The following MTAP variants were observed in gnomAD, a reference collection of about 807,000 sequenced individuals.
MTAP encodes S-methyl-5'-thioadenosine phosphorylase.
In MTAP, 33 loss-of-function variants were observed where a neutral mutation model predicts 33.6. The ratio of observed to expected loss-of-function variants is 0.98; its 90% confidence interval spans 0.74 to 1.31. MTAP has a LOEUF of 1.31. Among genes scored for constraint, MTAP ranks in the 40% most tolerant of loss-of-function variants. The probability of loss-of-function intolerance (pLI) is 0.00; values close to 1 mark genes in which losing one functional copy is unlikely to be tolerated. For synonymous variants in MTAP, 148 were observed against 125.7 expected, an observed-to-expected ratio of 1.18 and a Z score of -1.19; for missense variants, 367 against 360.0, an observed-to-expected ratio of 1.02 and a Z score of -0.16.
intron 1 of MTAP, among the ~76,000 whole-genome samples, chr9:21,918,510 C>T (rs1395053571): frequency 6.6e-6 from 1 of 151,730 alleles, no homozygotes; most frequent in Non-Finnish European, 1.5e-5. Context: ...AAGAACTTAC[C>T]CATTTAACCA....
chr9:21,926,770 C>T (rs1357451682), intron 1 of MTAP, among the ~76,000 whole-genome samples: 2 of 152,106 alleles, frequency 1.3e-5, no homozygotes, highest in Non-Finnish European at 2.9e-5. Context: ...CTAGTCCAGA[C>T]ACTAGATTTT....
Position 21,864,668 on chromosome 9 carries a change from A to G in MTAP, c.*2654A>G. ...CGAGTTGCTGTGCAGGGCTGGAGGT[A>G]GCTACCATGGCTTGTTTCAAGGAAG... On this transcript the variant is annotated 3_prime_UTR_variant, in exon 8 of 8. Coordinates refer to ENST00000644715, the MANE Select transcript of MTAP (RefSeq NM_002451.4). 1.0e-6 allele frequency: 1 copy of G among 985,508 alleles called. No individual in the cohort carries two copies. The highest frequency in any genetic ancestry group is 1.2e-6 in the Non-Finnish European group (1 of 829,994). The allele number at this position is 985,508 out of a possible 1,614,324, so 61.0% of individuals were successfully genotyped here. A position where few individuals can be genotyped will look rare whatever the true frequency, so the allele number is the denominator to read the frequency against.
intron 1 of MTAP, chr9:21,803,128 C>T (rs905323106): frequency 8.8e-6 from 4 of 452,286 alleles, no homozygotes; most frequent in Non-Finnish European, 1.5e-5. Context: ...GCACCCATGC[C>T]ACCACCATTC....
intron 6 of MTAP, among the ~76,000 whole-genome samples, chr9:21,856,416 C>G (rs966411006): frequency 6.6e-6 from 1 of 152,148 alleles, no homozygotes; most frequent in African/African-American, 2.4e-5. Flanking sequence ...AAGAGATTCG[C>G]AAATTATTAC....
At chr9:21,925,314 A>C (rs1818851257) in intron 1 of MTAP, among the ~76,000 whole-genome samples, 1 of 152,198 alleles carries the variant, frequency 6.6e-6, no homozygotes, top group Non-Finnish European at 1.5e-5. Context: ...CTGGTCCTGA[A>C]GGACCATTTT....
rs977990779 is a variant in MTAP, at chr9:21,864,696, A to G, written c.*2682A>G. On this transcript the variant is annotated 3_prime_UTR_variant, in exon 8 of 8. Transcript: ENST00000644715. ...TACCATGGCTTGTTTCAAGGAAGGA[A>G]ACTCTGGTACGGTGGCACCCTCAGG... 1.1e-5 allele frequency: 11 copies of G among 985,264 alleles called. No homozygotes were observed. The highest frequency in any genetic ancestry group is 1.3e-5 in the Non-Finnish European group (11 of 829,962). 61.0% of individuals were successfully genotyped at this position (985,264 alleles called of 1,614,324 possible).
chr9:21,817,366 C>A (rs1480669181), intron 3 of MTAP, among the ~76,000 whole-genome samples: 1 of 152,010 alleles, frequency 6.6e-6, no homozygotes. Context: ...AGAAGTCTGG[C>A]ACAGCTTAGC....
intron 1 of MTAP, chr9:21,893,912 T>C (rs1053019201): frequency 2.1e-5 from 3 of 140,258 alleles, no homozygotes; most frequent in Non-Finnish European, 4.5e-5. Context: ...TCTATAAGGC[T>C]AGCATCATTC....
At chr9:21,809,453 C>G (rs1303915429) in intron 1 of MTAP, among the ~76,000 whole-genome samples, 1 of 151,812 alleles carries the variant, frequency 6.6e-6, no homozygotes, top group Non-Finnish European at 1.5e-5. Flanking sequence ...TCCTGGCTAA[C>G]ATGGTGAAAC....
chr9:21,910,019 T>C (rs1818544243), intron 1 of MTAP, among the ~76,000 whole-genome samples: 1 of 151,998 alleles, frequency 6.6e-6, no homozygotes, highest in South Asian at 2.1e-4. Flanking sequence ...CAGGGAACTC[T>C]AACCCATCTG....
At position 21,880,162 on chromosome 9, in the gene MTAP, G is replaced by A. The variant is rs1817983240; in HGVS notation, c.147+25292G>A. 2.0e-5 allele frequency among the ~76,000 whole-genome samples: 3 copies of A among 152,052 alleles called. No individual in the cohort carries two copies. In the South Asian group the frequency reaches 6.2e-4, roughly 32 times the overall value. ...TAGGATTAGATGAAGTCATCAAGGT[G>A]GATCCCCCGTAAAGGAATAAGTGAC... On this transcript the variant is annotated intron_variant, in intron 1 of 1. Coordinates refer to the MTAP transcript ENST00000577563.
At chr9:21,893,116 G>A (rs1415869752) in intron 1 of MTAP, 2 of 152,284 alleles carry the variant, frequency 1.3e-5, no homozygotes, top group Non-Finnish European at 2.9e-5. Flanking sequence ...CTGGGACATG[G>A]TGAAAGCAGT....
intron 1 of MTAP, among the ~76,000 whole-genome samples, chr9:21,929,180 G>A (rs1818914425): frequency 6.6e-6 from 1 of 152,046 alleles, no homozygotes; most frequent in African/African-American, 2.4e-5. Flanking sequence ...TCATGGAAAG[G>A]CCATGCAACA....
Position 21,899,067 on chromosome 9 carries a change from G to C in MTAP, c.148-31941G>C, listed in dbSNP as rs1818345184. ...ACTATGCAGCCATAAAAAAGGATGA[G>C]TTCATGTCCTTTGTAGGGACATGGA... On this transcript the variant is annotated intron_variant, in intron 1 of 1. Coordinates refer to the MTAP transcript ENST00000577563. 1.3e-5 allele frequency among the ~76,000 whole-genome samples: 2 copies of C among 152,036 alleles called. 1 individual carries two copies. Among genetic ancestry groups the C allele is most frequent in the South Asian group, 4.1e-4 (2 of 4,824 alleles).
intron 1 of MTAP, among the ~76,000 whole-genome samples, chr9:21,918,989 G>A (rs1472684004): frequency 6.6e-6 from 1 of 152,206 alleles, no homozygotes; most frequent in Non-Finnish European, 1.5e-5. Flanking sequence ...TCACCAAGGT[G>A]TGACATAGGA....
At chr9:21,826,948 G>C (rs1191504264) in intron 4 of MTAP, among the ~76,000 whole-genome samples, 3 of 152,040 alleles carry the variant, frequency 2.0e-5, no homozygotes, top group Admixed American at 1.3e-4. Flanking sequence ...CACGTGGAAG[G>C]GATCTGTGTT....
chr9:21,846,042 C>T (rs916811383), intron 5 of MTAP, among the ~76,000 whole-genome samples: 5 of 152,116 alleles, frequency 3.3e-5, no homozygotes, highest in African/African-American at 1.2e-4. Context: ...ACAAATGTTG[C>T]AGGATAATTG....
chr9:21,917,700 A>G lies in MTAP; in HGVS notation c.148-13308A>G, dbSNP rs573305374. On this transcript the variant is annotated intron_variant, in intron 1 of 1. Coordinates refer to the MTAP transcript ENST00000577563. ...TAATATGCAGATTCCTTAAAGAACT[A>G]AAAGTAGAACTACCATTCAATCCAG... Among the ~76,000 whole-genome samples the G allele has an allele frequency of 4.6e-5, 7 of 152,332 alleles. No individual in the cohort carries two copies. In the South Asian group the frequency reaches 6.2e-4, roughly 14 times the overall value.
chr9:21,904,220 G>A (rs927472667), intron 1 of MTAP, among the ~76,000 whole-genome samples: 1 of 152,190 alleles, frequency 6.6e-6, no homozygotes, highest in African/African-American at 2.4e-5. Flanking sequence ...TTCCTCTGCT[G>A]ATGTGGTCCT....
Sources: allele counts gnomAD v4.1 joint callset (sites outside exome capture counted in the v4.1 genomes callset), GRCh38; gene constraint gnomAD v4.1.1; transcripts MANE v1.5; gene names NCBI Gene and HGNC (gene_info 2026-07-23, HGNC 2026-07-21).